SULT2B1: variants seen among roughly 807,000 people sequenced by gnomAD.
The protein encoded by SULT2B1 is sulfotransferase 2B1.
A neutral mutation model predicts 33.2 loss-of-function variants in SULT2B1; 16 were observed. That is an observed-to-expected ratio of 0.48 (90% CI 0.33 to 0.73). The LOEUF (loss-of-function observed/expected upper bound fraction) is 0.73. Among genes scored for constraint, SULT2B1 ranks in the 30% least tolerant of loss-of-function variants. The pLI is 0.02. For synonymous variants in SULT2B1, 186 were observed against 200.5 expected, an observed-to-expected ratio of 0.93 and a Z score of 0.61; for missense variants, 500 against 506.0, an observed-to-expected ratio of 0.99 and a Z score of 0.11.
Position 48,599,354 on chromosome 19 carries a change from C to A in SULT2B1, c.1046C>A (p.Pro349His). ...LEREPRPNSS[P>H]SPSPGQASET... The stretch of plus-strand genomic sequence containing the variant: ...CGTGAGCCCAGACCCAACTCCAGCC[C>A]CAGCCCCAGCCCCGGCCAGGCCTCT... The change falls in exon 7 of 7, where the codon CCC (proline) becomes CAC (histidine). Residue 349 changes from proline to histidine, a missense_variant. Physicochemically the swap from Pro to His is moderately conservative, Grantham distance 77. Coordinates refer to ENST00000201586, the MANE Select transcript of SULT2B1 (RefSeq NM_177973.2). The surrounding 1 kb of genome is among the most constrained non-coding windows in gnomAD (Gnocchi z 4.1). 1.9e-6 allele frequency: 3 copies of A among 1,573,560 alleles called. No homozygotes were observed. The highest frequency in any genetic ancestry group is 2.3e-5 in the East Asian group (1 of 42,752).
At chr19:48,571,727 T>C (rs1211427676) in intron 1 of SULT2B1, among the ~76,000 whole-genome samples, 1 of 151,632 alleles carries the variant, frequency 6.6e-6, no homozygotes, top group African/African-American at 2.4e-5. Flanking sequence ...ATCAATGTCA[T>C]ATGTCAACTG....
chr19:48,569,876 G>A (rs1973297724), intron 1 of SULT2B1, among the ~76,000 whole-genome samples: 1 of 151,982 alleles, frequency 6.6e-6, no homozygotes, highest in Admixed American at 6.6e-5. Flanking sequence ...ATGTTGCCGA[G>A]GCTGGTCTCA....
Position 48,552,523 on chromosome 19 carries a change from C to A in SULT2B1, c.71+200C>A, listed in dbSNP as rs565705216. On this transcript the variant is annotated intron_variant, in intron 1 of 6. Transcript: ENST00000201586. This position sits in a 1 kb window ranked among gnomAD's most constrained non-coding sequence, Gnocchi z 4.8. ...CCTGAGAAGGGAGTGAGGACCCGAC[C>A]GTGTTGAGTCACCAGTGGGGATGCC... Among the ~76,000 whole-genome samples the A allele has an allele frequency of 6.6e-6, 1 of 152,122 alleles. No homozygotes were observed. Among genetic ancestry groups the A allele is most frequent in the African/African-American group, 2.4e-5 (1 of 41,442 alleles).
chr19:48,566,703 G>A (rs767927215), intron 1 of SULT2B1, among the ~76,000 whole-genome samples: 10 of 152,056 alleles, frequency 6.6e-5, no homozygotes, highest in East Asian at 1.9e-4. Flanking sequence ...TTAGCTGGGC[G>A]TGGCAGTGTG....
intron 1 of SULT2B1, among the ~76,000 whole-genome samples, chr19:48,573,174 AT>A (rs1297959769): frequency 7.8e-6 from 1 of 128,872 alleles, no homozygotes; most frequent in African/African-American, 3.0e-5. Context: ...AAAAAAAAAA[AT>A]TTACATGTCC....
intron 1 of SULT2B1, among the ~76,000 whole-genome samples, chr19:48,557,393 T>G (rs1568401973): frequency 6.6e-6 from 1 of 151,166 alleles, no homozygotes; most frequent in South Asian, 2.1e-4. Context: ...CACAAAAATT[T>G]GCCAGGCGTG....
intron 3 of SULT2B1, among the ~76,000 whole-genome samples, chr19:48,589,819 G>A (rs1026305966): frequency 3.9e-5 from 6 of 152,260 alleles, no homozygotes; most frequent in Middle Eastern, 3.4e-3. Flanking sequence ...AATTCGTCAC[G>A]TGTAGTGGCA....
intron 1 of SULT2B1, among the ~76,000 whole-genome samples, chr19:48,559,346 GTTTTTTGTTTTGTTT>G (rs1466870320): frequency 1.4e-5 from 2 of 139,674 alleles, no homozygotes; most frequent in African/African-American, 5.7e-5. Flanking sequence ...ATTTGGTTTT[GTTTTTTGTTTTGTTT>G]TGTTTTGTTT....
intron 1 of SULT2B1, among the ~76,000 whole-genome samples, chr19:48,557,851 G>A (rs537620346): frequency 2.6e-5 from 4 of 152,248 alleles, no homozygotes; most frequent in Admixed American, 2.0e-4. Context: ...CCCAGGAGGC[G>A]GAGGTTGCGG....
At chr19:48,581,472 GTT>G (rs4011541) in intron 2 of SULT2B1, among the ~76,000 whole-genome samples, 4 of 118,896 alleles carry the variant, frequency 3.4e-5, no homozygotes, top group Admixed American at 2.9e-4. Context: ...AGATTTGAGA[GTT>G]TTTTTTTTTT....
chr19:48,564,320 G>A (rs575736367), intron 1 of SULT2B1, among the ~76,000 whole-genome samples: 4 of 151,852 alleles, frequency 2.6e-5, no homozygotes, highest in Admixed American at 1.3e-4. Flanking sequence ...TTGGGAGGCC[G>A]AGGCGGGCGG....
intron 2 of SULT2B1, among the ~76,000 whole-genome samples, chr19:48,576,398 C>T (rs1601098932): frequency 1.1e-5 from 1 of 89,316 alleles, no homozygotes; most frequent in South Asian, 3.7e-4. Context: ...GGTCTCGCTA[C>T]ATTGCCCAGG....
intron 1 of SULT2B1, among the ~76,000 whole-genome samples, chr19:48,569,358 A>AG (rs1973287155): frequency 5.6e-5 from 1 of 17,862 alleles, no homozygotes; most frequent in Admixed American, 5.1e-4. Flanking sequence ...AAAAAAAAAA[A>AG]AAAACATATA....
intron 2 of SULT2B1, among the ~76,000 whole-genome samples, chr19:48,578,489 C>T (rs1035823767): frequency 1.8e-4 from 28 of 151,778 alleles, no homozygotes; most frequent in African/African-American, 6.3e-4. Context: ...GGCTGAGATG[C>T]GAGGATTGCT....
chr19:48,579,436 C>T lies in SULT2B1; in HGVS notation c.214+3353C>T, dbSNP rs112156147. ...TAGCTGGGACTACAGGCGCCCACCA[C>T]CATACCCAGCTAATTTTTTGTATTT... On this transcript the variant is annotated intron_variant, in intron 2 of 6. Coordinates refer to ENST00000201586, the MANE Select transcript of SULT2B1 (RefSeq NM_177973.2). Among the ~76,000 whole-genome samples, 8 of 151,708 alleles carry T rather than the reference C, an allele frequency of 5.3e-5. 2 individuals carry two copies. The highest frequency in any genetic ancestry group is 1.9e-4 in the African/African-American group (8 of 41,284).
chr19:48,576,359 C>CTTTTCTTTTTTTCT, intron 2 of SULT2B1, among the ~76,000 whole-genome samples: 19 of 96,706 alleles, frequency 2.0e-4, no homozygotes, highest in Non-Finnish European at 2.5e-4. Flanking sequence ...CTCTACTTCT[C>CTTTTCTTTTTTTCT]TTTTTTTTTT....
intron 2 of SULT2B1, among the ~76,000 whole-genome samples, chr19:48,584,814 G>A (rs565710840): frequency 6.6e-6 from 1 of 152,250 alleles, no homozygotes; most frequent in East Asian, 1.9e-4. Flanking sequence ...ACTTTGGGAG[G>A]CCAAGGCAGG....
chr19:48,589,644 A>G (rs73944836), intron 3 of SULT2B1, among the ~76,000 whole-genome samples: 3,203 of 152,260 alleles, frequency 0.021, 128 homozygotes, highest in African/African-American at 0.074. Flanking sequence ...GTTATAGTCA[A>G]TTACAATGAA....
intron 1 of SULT2B1, among the ~76,000 whole-genome samples, chr19:48,571,178 G>A (rs1042285394): frequency 1.6e-5 from 2 of 125,924 alleles, no homozygotes; most frequent in Admixed American, 7.7e-5. Context: ...AGGCCACCAT[G>A]CCTGGCTAAT....
Sources: allele counts gnomAD v4.1 joint callset (sites outside exome capture counted in the v4.1 genomes callset), GRCh38; gene constraint gnomAD v4.1.1; non-coding constraint Gnocchi (gnomAD v3.1); transcripts MANE v1.5; gene names NCBI Gene and HGNC (gene_info 2026-07-23, HGNC 2026-07-21).